Variants in MROH2B observed in about 807,000 individuals in gnomAD.
The protein encoded by MROH2B is maestro heat-like repeat-containing protein family member 2B.
MROH2B carries 177 observed loss-of-function variants against 208.6 expected under a neutral mutation model. The observed-to-expected ratio is 0.85, with a 90% CI of 0.75 to 0.96. MROH2B has a LOEUF of 0.96. Ranked by LOEUF, MROH2B falls within the 40% of genes least tolerant of loss-of-function variation. The pLI, the probability that MROH2B is intolerant of heterozygous loss-of-function variation, is 0.00. For synonymous variants in MROH2B, 728 were observed against 659.0 expected, an observed-to-expected ratio of 1.10 and a Z score of -1.60; for missense variants, 2,002 against 1,878.7, an observed-to-expected ratio of 1.07 and a Z score of -1.21.
chr5:41,023,918 A>G (rs1042474632), intron 24 of MROH2B, among the ~76,000 whole-genome samples: 39 of 152,242 alleles, frequency 2.6e-4, no homozygotes, highest in African/African-American at 8.9e-4. Context: ...CCAGAATTTC[A>G]TATCTAGCCA....
At chr5:41,026,232 G>A (rs1203656081) in intron 24 of MROH2B, among the ~76,000 whole-genome samples, 2 of 152,178 alleles carry the variant, frequency 1.3e-5, no homozygotes, top group African/African-American at 2.4e-5. Context: ...ATTAGGAAAA[G>A]AGGAAGTCAA....
chr5:41,067,715 C>T (rs1009213690), intron 2 of MROH2B, among the ~76,000 whole-genome samples: 1 of 152,120 alleles, frequency 6.6e-6, no homozygotes, highest in African/African-American at 2.4e-5. Context: ...GAGTCAAAGG[C>T]TACAGAGCAA....
chr5:41,049,953 C>T (rs1743238577), intron 13 of MROH2B, among the ~76,000 whole-genome samples: 1 of 152,166 alleles, frequency 6.6e-6, no homozygotes, highest in Non-Finnish European at 1.5e-5. Flanking sequence ...TTTTATGTCC[C>T]TTAGAAAACT....
chr5:40,998,291 T>C (rs1741273744), intron 41 of MROH2B, 133 bp from the exon 42 acceptor site: 2 of 673,488 alleles, frequency 3.0e-6, no homozygotes, highest in Admixed American at 2.5e-5. Context: ...CATGCTCACA[T>C]TTTATCCTAA....
intron 22 of MROH2B, 47 bp downstream of exon 22, chr5:41,033,791 A>T (rs1439446427): frequency 1.0e-6 from 1 of 963,586 alleles, no homozygotes; most frequent in East Asian, 2.9e-5. Flanking sequence ...TTATCTATCT[A>T]TCTATCTATC....
Position 41,049,409 on chromosome 5 carries a change from CA to C in MROH2B, c.1371del (p.Phe457LeufsTer21). ...GCTTCTGTGTATTCTGCAGGTACCA[CA>C]AAAGTCAGGATCCTTGGCCATAGCA... ...PQVLWPRILT[F>X]VVPAEYTEAL... is the part of the protein sequence containing the mutation. On this transcript the variant is annotated frameshift_variant, in exon 14 of 42. Transcript: ENST00000399564. LOFTEE classifies it high-confidence loss of function. The C allele has an allele frequency of 1.2e-6, 2 of 1,613,116 alleles. No individual in the cohort carries two copies. Among genetic ancestry groups the C allele is most frequent in the Non-Finnish European group, 1.7e-6 (2 of 1,179,596 alleles).
At chr5:41,060,702 T>C (rs552834437) in intron 6 of MROH2B, among the ~76,000 whole-genome samples, 3 of 152,332 alleles carry the variant, frequency 2.0e-5, no homozygotes, top group South Asian at 2.1e-4. Flanking sequence ...TTCTGTTCAC[T>C]TGCCTGGCCC....
At chr5:41,033,301 G>A (rs1742638955) in intron 22 of MROH2B, 141 bp from the exon 23 acceptor site, 4 of 1,205,092 alleles carry the variant, frequency 3.3e-6, no homozygotes, top group Non-Finnish European at 3.4e-6. Context: ...TCCAGACTAG[G>A]GTCTAAGTTG....
chr5:41,032,486 T>C (rs2150166566), intron 24 of MROH2B, among the ~76,000 whole-genome samples: 1 of 152,216 alleles, frequency 6.6e-6, no homozygotes, highest in Middle Eastern at 3.4e-3. Flanking sequence ...TGCAGAGAAA[T>C]TTTAGTCCTC....
intron 17 of MROH2B, among the ~76,000 whole-genome samples, chr5:41,047,241 A>G (rs1015067159): frequency 1.3e-5 from 2 of 152,154 alleles, no homozygotes; most frequent in African/African-American, 4.8e-5. Flanking sequence ...CAAGAAGTTT[A>G]TGGGTGAGAG....
intron 3 of MROH2B, among the ~76,000 whole-genome samples, chr5:41,066,847 A>G (rs1256825927): frequency 1.3e-5 from 2 of 152,212 alleles, no homozygotes; most frequent in Non-Finnish European, 2.9e-5. Context: ...TTACTTTGAA[A>G]AAAACATATC....
intron 21 of MROH2B, chr5:41,034,065 T>A: frequency 2.0e-6 from 2 of 984,694 alleles, no homozygotes; most frequent in Non-Finnish European, 2.4e-6. Context: ...ATTTGCAGAG[T>A]CTTTCCCCCA....
chr5:41,018,781 G>T lies in MROH2B; in HGVS notation c.2583C>A (p.Leu861=). 6.2e-7 allele frequency: 1 copy of T among 1,613,858 alleles called. No individual in the cohort carries two copies. The highest frequency in any genetic ancestry group is 1.1e-5 in the South Asian group (1 of 91,082). Residue 861 remains leucine, a synonymous_variant, in exon 26 of 42, where the codon CTC becomes CTA. Coordinates refer to ENST00000399564, the MANE Select transcript of MROH2B (RefSeq NM_173489.5). ...TDKDKEHIQF[L]YERSMDALGK... ...CTAGGGCGTCCATGGATCGTTCATAGAGAAACTGAAATCAAATATGTGTGT... is the reference window on the plus strand; with the variant it reads ...CTAGGGCGTCCATGGATCGTTCATATAGAAACTGAAATCAAATATGTGTGT...
At chr5:41,054,488 G>T (rs1448705953) in intron 11 of MROH2B, among the ~76,000 whole-genome samples, 2 of 152,106 alleles carry the variant, frequency 1.3e-5, no homozygotes, top group African/African-American at 4.8e-5. Flanking sequence ...CAGTCTCTTT[G>T]CTCTTATTCT....
Position 41,000,764 on chromosome 5 carries a change from AC to A in MROH2B, c.4263del (p.Arg1421SerfsTer10), listed in dbSNP as rs1255691500. The A allele has an allele frequency of 6.2e-7, 1 of 1,611,024 alleles. No individual in the cohort carries two copies. The highest frequency in any genetic ancestry group is 1.1e-5 in the South Asian group (1 of 90,210). On this transcript the variant is annotated frameshift_variant, in exon 38 of 42. Coordinates refer to ENST00000399564, the MANE Select transcript of MROH2B (RefSeq NM_173489.5). LOFTEE classifies it high-confidence loss of function. ...FEDLAPLTGR[R>X]WKIFFAEEIK... ...ATTTCTTCAGCAAAAAAAATCTTCC[AC>A]CTTCTTCCTGTTAGGGGTGCCAGGT...
intron 28 of MROH2B, among the ~76,000 whole-genome samples, chr5:41,016,850 A>T (rs6870019): frequency 0.48 from 72,190 of 151,812 alleles, 17,282 homozygotes; most frequent in African/African-American, 0.51. Flanking sequence ...ATATATCTTT[A>T]ATCAATTATC....
intron 33 of MROH2B, 38 bp from the exon 34 acceptor site, chr5:41,007,492 C>G (rs749197442): frequency 2.1e-6 from 3 of 1,452,162 alleles, no homozygotes; most frequent in Non-Finnish European, 1.8e-6. Context: ...CTAAGTTGAC[C>G]CTTATAGGGA....
intron 2 of MROH2B, among the ~76,000 whole-genome samples, chr5:41,068,438 C>T (rs1280832705): frequency 2.0e-5 from 3 of 152,132 alleles, no homozygotes; most frequent in Admixed American, 6.5e-5. Context: ...TATTAACGCT[C>T]ACAAGTCCCT....
rs1741700544 is a variant in MROH2B, at chr5:41,009,312, C to T, written c.3388G>A (p.Glu1130Lys). ...ALIDKLETEL[E>K]DDIARVEAIS... ...GCCTCAACCCTGGCGATGTCATCTT[C>T]TAACTCAGTCTCCAGTTTGTCTATT... Residue 1130 changes from glutamate (E) to lysine (K), a missense_variant, in exon 32 of 42, where the codon GAA (glutamate) becomes AAA (lysine). By Grantham distance (56) the Glu-to-Lys change is moderately conservative. Coordinates refer to ENST00000399564, the MANE Select transcript of MROH2B (RefSeq NM_173489.5). 22 of 1,613,950 alleles carry T rather than the reference C, an allele frequency of 1.4e-5. No homozygotes were observed. The highest frequency in any genetic ancestry group is 2.2e-5 in the East Asian group (1 of 44,882).
Sources: gnomAD v4.1 joint callset for allele counts (sites outside exome capture counted in the v4.1 genomes callset) on GRCh38, gnomAD v4.1.1 for gene constraint, MANE v1.5 for transcripts, NCBI Gene and HGNC (gene_info 2026-07-23, HGNC 2026-07-21) for gene names.